The following TNRC18 variants were observed in gnomAD, a reference collection of about 807,000 sequenced individuals.
The protein encoded by TNRC18 is trinucleotide repeat containing 18.
Under a neutral mutation model 226.7 loss-of-function variants are expected in TNRC18, and 69 were observed. The ratio of observed to expected loss-of-function variants is 0.30; its 90% CI spans 0.25 to 0.37. The LOEUF is 0.37. Ranked by LOEUF, TNRC18 falls within the 10% of genes least tolerant of loss-of-function variation. TNRC18 has a pLI of 1.00. For missense variants in TNRC18, 4,754 were observed against 4,256.6 expected (o/e 1.12, Z -3.25); for synonymous variants, 2,449 against 1,927.6 (o/e 1.27, Z -7.09).
rs1230007105 is a variant in TNRC18 at position 5,320,281 on chromosome 7, T to C, written c.6745+37A>G. On this transcript the variant is annotated intron_variant, in intron 24 of 29. Transcript: ENST00000430969. ...GCCAAACAAGTCCATACTGAGATGT[T>C]AGGCGGCAGGGGAGAGCTGGGGAGG... is the stretch of plus-strand genomic sequence containing the variant. The C allele has an allele frequency of 3.3e-6, 5 of 1,498,244 alleles. No individual in the cohort carries two copies. In the Admixed American group the frequency reaches 9.8e-5, roughly 29 times the overall value. 92.8% of individuals were successfully genotyped at this position (1,498,244 alleles called of 1,614,324 possible).
intron 18 of TNRC18, among the ~76,000 whole-genome samples, chr7:5,341,538 A>G (rs2128135676): frequency 6.6e-6 from 1 of 151,762 alleles, no homozygotes; most frequent in African/African-American, 2.4e-5. Context: ...CCAAGGCAGG[A>G]GGATCATTTG....
chr7:5,400,248 A>C (rs529043568), intron 2 of TNRC18, among the ~76,000 whole-genome samples: 29 of 152,278 alleles, frequency 1.9e-4, no homozygotes, highest in African/African-American at 6.7e-4. Flanking sequence ...CAGAGAAGCT[A>C]AAAGCACCTA....
rs1297988855 is a variant in TNRC18 at position 5,362,743 on chromosome 7, A to G, written c.4302T>C (p.Asp1434=). 6.4e-7 allele frequency: 1 copy of G among 1,573,206 alleles called. No homozygotes were observed. Among genetic ancestry groups the G allele is most frequent in the East Asian group, 2.4e-5 (1 of 42,456 alleles). The change falls in exon 12 of 30, where the codon GAT becomes GAC. Residue 1434 remains aspartate, a synonymous_variant. Coordinates refer to ENST00000430969, the MANE Select transcript of TNRC18 (RefSeq NM_001080495.3). ...TCTTGAGTGGGTCCACCACGGGCCC[A>G]TCCAGCACCTCCCTCAGCATGTGGC... is the stretch of plus-strand genomic sequence containing the variant. ...AGSHMLREVL[D]GPVVDPLKNL...
chr7:5,326,141 G>T (rs577802174), intron 19 of TNRC18, among the ~76,000 whole-genome samples: 6 of 152,128 alleles, frequency 3.9e-5, no homozygotes, highest in Admixed American at 2.0e-4. Flanking sequence ...CAACTCCACA[G>T]AGTCAGCTAC....
At chr7:5,364,504 C>CAA (rs1205017749) in intron 11 of TNRC18, among the ~76,000 whole-genome samples, 1 of 145,076 alleles carries the variant, frequency 6.9e-6, no homozygotes, top group East Asian at 2.0e-4. Flanking sequence ...CACACACACA[C>CAA]ACACACACAC....
At chr7:5,402,579 C>A (rs1023019660) in intron 2 of TNRC18, among the ~76,000 whole-genome samples, 1 of 151,640 alleles carries the variant, frequency 6.6e-6, no homozygotes, top group African/African-American at 2.4e-5. Flanking sequence ...TGCGGCTGGG[C>A]GCAGTGGCTC....
At chr7:5,335,925 G>A (rs376402999) in intron 18 of TNRC18, among the ~76,000 whole-genome samples, 64 of 151,374 alleles carry the variant, frequency 4.2e-4, no homozygotes, top group African/African-American at 1.5e-3. Flanking sequence ...TACTAGACAA[G>A]GCCATTCACA....
chr7:5,394,500 G>A lies in TNRC18; in HGVS notation c.283C>T (p.Arg95Cys), dbSNP rs1343253173. 37 of 1,561,702 alleles carry A rather than the reference G, an allele frequency of 2.4e-5. No individual in the cohort carries two copies. Among genetic ancestry groups the A allele is most frequent in the South Asian group, 3.5e-5 (3 of 84,692 alleles). Residue 95 changes from arginine (R) to cysteine (C), a missense_variant, in exon 3 of 30, where the codon CGC (arginine) becomes TGC (cysteine). Physicochemically the swap from Arg to Cys is radical, Grantham distance 180 (BLOSUM62 -3). Coordinates refer to ENST00000430969, the MANE Select transcript of TNRC18 (RefSeq NM_001080495.3). This position sits in a 1 kb window ranked among gnomAD's most constrained non-coding sequence, Gnocchi z 4.5. ...PVPLPSDLSF[R>C]SPTPSNLPMV... Reference sequence around the variant, plus strand: ...GGCAGGTTGCTAGGGGTTGGGGAGCGGAAAGACAGGTCAGAGGGCAGTGGC... The same window carrying A: ...GGCAGGTTGCTAGGGGTTGGGGAGCAGAAAGACAGGTCAGAGGGCAGTGGC...
At chr7:5,353,705 C>T (rs1792070271) in intron 16 of TNRC18, among the ~76,000 whole-genome samples, 1 of 152,168 alleles carries the variant, frequency 6.6e-6, no homozygotes, top group African/African-American at 2.4e-5. Flanking sequence ...CCTTGTGAAC[C>T]CTGCACTCTC....
Position 5,316,084 on chromosome 7 carries a change from G to A in TNRC18, c.6746-12C>T. On this transcript the variant is annotated splice_polypyrimidine_tract_variant and intron_variant, in intron 24 of 29. Transcript: ENST00000430969. ...CAGGTCCAGTAACCCTGTGGGAAGA[G>A]GGGAGGCTCAGGGGAGGCCCTCGGA... The A allele has an allele frequency of 3.1e-6, 5 of 1,607,874 alleles. No homozygotes were observed.
chr7:5,382,961 G>A lies in TNRC18; in HGVS notation c.2152+4711C>T, dbSNP rs74924956. ...CACCCAGGTTGGGGCTCAGTGGTGC[G>A]ATCTCACTGCAGCCTCGACCTGCTG... On this transcript the variant is annotated intron_variant, in intron 5 of 29. Coordinates refer to ENST00000430969, the MANE Select transcript of TNRC18 (RefSeq NM_001080495.3). Among the ~76,000 whole-genome samples the A allele has an allele frequency of 8.4e-4, 128 of 152,322 alleles. 3 individuals carry two copies. The highest frequency in any genetic ancestry group is 2.9e-3 in the African/African-American group (119 of 41,566).
intron 14 of TNRC18, 142 bp from the exon 15 acceptor site, chr7:5,359,711 A>T: frequency 1.2e-6 from 1 of 834,820 alleles, no homozygotes; most frequent in Non-Finnish European, 1.9e-6. Context: ...GGGGAGATGG[A>T]TCTTGTAAAA....
rs1458765716 is a variant in TNRC18, at chr7:5,313,298, C to T, written c.7593G>A (p.Pro2531=). 15 of 1,548,390 alleles carry T rather than the reference C, an allele frequency of 9.7e-6. No homozygotes were observed. The highest frequency in any genetic ancestry group is 3.6e-5 in the South Asian group (3 of 83,988). ...TCCCAGAGTCCTCGAACGTGAGCCC[C>T]GGCCCGGGCTCCTGGGCGAGGTCCC... ...TDGDLAQEPG[P]GLTFEDSGNP... is the part of the protein sequence containing the mutation. The change falls in exon 27 of 30, where the codon CCG becomes CCA. Residue 2531 remains proline (P), a synonymous_variant. Transcript: ENST00000430969.
chr7:5,350,707 C>T (rs1235673740), intron 17 of TNRC18, among the ~76,000 whole-genome samples: 1 of 152,188 alleles, frequency 6.6e-6, no homozygotes, highest in Admixed American at 6.5e-5. Context: ...CACATCTAAC[C>T]CCAGAAGCAC....
chr7:5,404,614 C>T lies in TNRC18; in HGVS notation c.188-10019G>A, dbSNP rs1220639181. ...TGGAAAACAAATCCGCAAGGCTTAC[C>T]GAGGACTGCAGGCGCCCAGACCCAC... is the stretch of plus-strand genomic sequence containing the variant. On this transcript the variant is annotated intron_variant, in intron 2 of 29. Transcript: ENST00000430969. Among the ~76,000 whole-genome samples the T allele has an allele frequency of 2.0e-5, 3 of 152,036 alleles. 1 individual carries two copies. Among genetic ancestry groups the T allele is most frequent in the South Asian group, 4.1e-4 (2 of 4,822 alleles).
At chr7:5,333,254 C>T (rs560324526) in intron 18 of TNRC18, among the ~76,000 whole-genome samples, 2 of 152,356 alleles carry the variant, frequency 1.3e-5, no homozygotes, top group Admixed American at 1.3e-4. Context: ...TACGCCGCCT[C>T]GGCTGCCCGG....
chr7:5,336,072 T>C (rs1459265709), intron 18 of TNRC18, among the ~76,000 whole-genome samples: 1 of 151,948 alleles, frequency 6.6e-6, no homozygotes, highest in Non-Finnish European at 1.5e-5. Context: ...CTGGGCGTGG[T>C]GGCATGCATC....
intron 2 of TNRC18, among the ~76,000 whole-genome samples, chr7:5,408,598 C>T (rs759218148): frequency 4.0e-5 from 6 of 150,586 alleles, no homozygotes; most frequent in Non-Finnish European, 8.9e-5. Flanking sequence ...GCCAAGATCA[C>T]GCCACTGCAC....
At chr7:5,374,814 G>A (rs958160927) in intron 9 of TNRC18, among the ~76,000 whole-genome samples, 1 of 152,162 alleles carries the variant, frequency 6.6e-6, no homozygotes, top group African/African-American at 2.4e-5. Context: ...GGGGCCAGAT[G>A]GGGGGCACAA....
Sources: allele counts gnomAD v4.1 joint callset (sites outside exome capture counted in the v4.1 genomes callset), GRCh38; gene constraint gnomAD v4.1.1; non-coding constraint Gnocchi (gnomAD v3.1); transcripts MANE v1.5; gene names NCBI Gene and HGNC (gene_info 2026-07-23, HGNC 2026-07-21).